RAD50: variants seen among roughly 807,000 people sequenced by gnomAD.
The protein encoded by RAD50 is DNA repair protein RAD50.
In RAD50, 132 loss-of-function variants were observed where a neutral mutation model predicts 168.8. That is an observed-to-expected ratio of 0.78 (90% CI 0.68 to 0.90). RAD50 has a LOEUF of 0.90. Ranked by LOEUF, RAD50 falls within the 40% of genes least tolerant of loss-of-function variation. The probability of loss-of-function intolerance (pLI) is 0.00; values close to 1 mark genes in which losing one functional copy is unlikely to be tolerated. For synonymous variants in RAD50, 525 were observed against 497.4 expected, an observed-to-expected ratio of 1.06 and a Z score of -0.74; for missense variants, 1,347 against 1,534.4, an observed-to-expected ratio of 0.88 and a Z score of 2.04.
intron 2 of RAD50, among the ~76,000 whole-genome samples, chr5:132,567,966 G>A (rs1296122965): frequency 2.0e-5 from 3 of 152,128 alleles, no homozygotes; most frequent in African/African-American, 7.2e-5. Context: ...ATGGGAATAT[G>A]CAAAAGAAAA....
chr5:132,635,805 TTTG>T (rs1318236296), intron 21 of RAD50, among the ~76,000 whole-genome samples: 1 of 152,172 alleles, frequency 6.6e-6, no homozygotes, highest in Non-Finnish European at 1.5e-5. Flanking sequence ...TTCCATCAGT[TTTG>T]TTTTGTTTTT....
chr5:132,591,436 C>T (rs757837381), intron 10 of RAD50, 30 bp downstream of exon 10: 21 of 1,586,090 alleles, frequency 1.3e-5, no homozygotes, highest in Non-Finnish European at 1.7e-5. Flanking sequence ...TCTAATTATA[C>T]TGTCTGGTAC....
In RAD50 at chr5:132,642,110, G is replaced by A. The variant is rs1000874621; in HGVS notation, c.3753-68G>A. Reference sequence around the variant, plus strand: ...GTTCATGTGTCTGACAAGGTTTGCGGTGACTTTTCAAATCAAAGAAGGGGT... The same window carrying A: ...GTTCATGTGTCTGACAAGGTTTGCGATGACTTTTCAAATCAAAGAAGGGGT... On this transcript the variant is annotated intron_variant, in intron 24 of 24. Transcript: ENST00000378823. The A allele has an allele frequency of 2.3e-5, 35 of 1,520,766 alleles. No homozygotes were observed. The East Asian group carries it at 7.4e-4, about 32-fold the overall frequency. The allele number at this position is 1,520,766 out of a possible 1,614,324, so 94.2% of individuals were successfully genotyped here.
At position 132,591,086 on chromosome 5, in the gene RAD50, GT is replaced by G. The variant is rs138231496; in HGVS notation, c.1453-131del. On this transcript the variant is annotated intron_variant, in intron 9 of 24. Coordinates refer to ENST00000378823, the MANE Select transcript of RAD50 (RefSeq NM_005732.4). The stretch of plus-strand genomic sequence containing the variant: ...CCTTAGAGCATATATAGTGCCTTAT[GT>G]TTTTTTCTCTTGTTGGATGCAAACA... 7.0e-3 allele frequency: 6,084 copies of G among 866,470 alleles called. 287 individuals carry two copies. The African/African-American group carries it at 0.092, about 13-fold the overall frequency. 53.7% of individuals were successfully genotyped at this position (866,470 alleles called of 1,614,324 possible). A position where few individuals can be genotyped will look rare whatever the true frequency, so the allele number is the denominator to read the frequency against.
Position 132,642,374 on chromosome 5 carries a change from A to T in RAD50, c.*10A>T. On this transcript the variant is annotated 3_prime_UTR_variant, in exon 25 of 25. Coordinates refer to ENST00000378823, the MANE Select transcript of RAD50 (RefSeq NM_005732.4). ...ATTCAATGTTCATTAAAAATATCCA[A>T]GATTTAAATGCCATAGAAATGTAGG... The T allele has an allele frequency of 6.2e-7, 1 of 1,609,246 alleles. No homozygotes were observed. Among genetic ancestry groups the T allele is most frequent in the Non-Finnish European group, 8.5e-7 (1 of 1,175,662 alleles).
chr5:132,631,138 T>A (rs552199485), intron 21 of RAD50, among the ~76,000 whole-genome samples: 1 of 150,258 alleles, frequency 6.7e-6, no homozygotes, highest in Middle Eastern at 3.4e-3. Context: ...TTTTTTTTTT[T>A]AAGACAGAGT....
intron 1 of RAD50, among the ~76,000 whole-genome samples, 153 bp downstream of exon 1, chr5:132,557,606 C>T (rs1329997887): frequency 6.6e-6 from 1 of 152,146 alleles, no homozygotes; most frequent in Non-Finnish European, 1.5e-5. Flanking sequence ...CTGCAGGCTA[C>T]AGCGACCTTA....
At chr5:132,609,063 T>C in intron 17 of RAD50, 54 bp from the exon 18 acceptor site, 1 of 1,600,830 alleles carries the variant, frequency 6.2e-7, no homozygotes, top group Non-Finnish European at 8.5e-7. Context: ...TGTGCTCTCC[T>C]GTTATGTGCC....
intron 5 of RAD50, 100 bp from the exon 6 acceptor site, chr5:132,587,462 T>G: frequency 6.6e-7 from 1 of 1,515,334 alleles, no homozygotes; most frequent in East Asian, 2.3e-5. Context: ...ATGAGATCAC[T>G]TTTACTAAAT....
chr5:132,645,707 A>G lies in RAD50; in HGVS notation c.*3343A>G, dbSNP rs1751834943. On this transcript the variant is annotated 3_prime_UTR_variant, in exon 25 of 25. Coordinates refer to ENST00000378823, the MANE Select transcript of RAD50 (RefSeq NM_005732.4). ...GTGGGCAATTAGAGTTTGGTGCCCC[A>G]GGGAGACTCTGGGGAGTTTGGCAAA... The G allele has an allele frequency of 6.6e-6, 1 of 152,188 alleles. No homozygotes were observed. The highest frequency in any genetic ancestry group is 6.5e-5 in the Admixed American group (1 of 15,282). The allele number at this position is 152,188 out of a possible 1,614,324, so 9.4% of individuals were successfully genotyped here.
chr5:132,604,438 G>A (rs1750945249), intron 15 of RAD50, among the ~76,000 whole-genome samples: 1 of 151,928 alleles, frequency 6.6e-6, no homozygotes, highest in Admixed American at 6.6e-5. Context: ...GCTAATTTTT[G>A]TATTTTTTCG....
At chr5:132,604,141 G>C in intron 15 of RAD50, 95 bp downstream of exon 15, 7 of 1,458,380 alleles carry the variant, frequency 4.8e-6, no homozygotes, top group Non-Finnish European at 5.7e-6. Flanking sequence ...CATGGACAAC[G>C]AAGTTCCTTC....
At chr5:132,598,086 C>T (rs1367002573) in intron 13 of RAD50, among the ~76,000 whole-genome samples, 2 of 148,156 alleles carry the variant, frequency 1.3e-5, no homozygotes, top group Non-Finnish European at 3.0e-5. Flanking sequence ...TTTGCTTTGT[C>T]GCCCAGGCTG....
At position 132,644,133 on chromosome 5, in the gene RAD50, G is replaced by A. The variant is rs187426145; in HGVS notation, c.*1769G>A. On this transcript the variant is annotated 3_prime_UTR_variant, in exon 25 of 25. Transcript: ENST00000378823. The stretch of plus-strand genomic sequence containing the variant: ...GCAAAGAATAACAAAGGCAATACAC[G>A]ATCAATATAGGCAGTGAAACAAAAG... The A allele has an allele frequency of 1.4e-3, 262 of 187,116 alleles. No individual in the cohort carries two copies. Among genetic ancestry groups the A allele is most frequent in the Non-Finnish European group, 2.5e-3 (220 of 88,726 alleles). The allele number at this position is 187,116 out of a possible 1,614,324, so 11.6% of individuals were successfully genotyped here.
intron 13 of RAD50, among the ~76,000 whole-genome samples, chr5:132,597,774 G>T (rs1433733109): frequency 6.6e-6 from 1 of 152,162 alleles, no homozygotes; most frequent in Admixed American, 6.5e-5. Context: ...GGGATACTTT[G>T]TTATGCAACA....
intron 21 of RAD50, among the ~76,000 whole-genome samples, chr5:132,631,878 G>A (rs761601564): frequency 2.6e-5 from 4 of 152,124 alleles, no homozygotes; most frequent in African/African-American, 9.7e-5. Flanking sequence ...GCCCAGAGCT[G>A]CCTTCTTTCC....
chr5:132,588,660 A>G lies in RAD50; in HGVS notation c.1052-27A>G, dbSNP rs765959029. On this transcript the variant is annotated intron_variant, in intron 7 of 24. Coordinates refer to ENST00000378823, the MANE Select transcript of RAD50 (RefSeq NM_005732.4). ...AACTTTTTAAGCACCAGTTGAAAAA[A>G]AAATTATGAGATTTTTTTTTTAAAA... 3.7e-6 allele frequency: 6 copies of G among 1,603,724 alleles called. No homozygotes were observed. The Admixed American group carries it at 1.0e-4, about 27-fold the overall frequency.
chr5:132,611,127 A>C (rs1751077349), intron 19 of RAD50, among the ~76,000 whole-genome samples: 1 of 152,252 alleles, frequency 6.6e-6, no homozygotes, highest in South Asian at 2.1e-4. Flanking sequence ...GCAGTGACTC[A>C]TGCCTGTAAT....
chr5:132,604,332 C>T (rs1244067364), intron 15 of RAD50, among the ~76,000 whole-genome samples: 2 of 150,860 alleles, frequency 1.3e-5, no homozygotes, highest in Non-Finnish European at 1.5e-5. Context: ...ATGGTGCAAT[C>T]TTGGCTCACT....
Sources: gnomAD v4.1 joint callset for allele counts (sites outside exome capture counted in the v4.1 genomes callset) on GRCh38, gnomAD v4.1.1 for gene constraint, MANE v1.5 for transcripts, NCBI Gene and HGNC (gene_info 2026-07-23, HGNC 2026-07-21) for gene names.